Variants in MOK observed in about 807,000 individuals in gnomAD.
MOK encodes MOK protein kinase.
In MOK, 59 loss-of-function variants were observed where a neutral mutation model predicts 54.2. The observed-to-expected ratio is 1.09, with a 90% CI of 0.88 to 1.35. The LOEUF (loss-of-function observed/expected upper bound fraction) is 1.35, where lower values mean the gene tolerates loss of function less well. Among genes scored for constraint, MOK ranks in the 40% most tolerant of loss-of-function variants. MOK has a pLI of 0.00. For synonymous variants in MOK, 210 were observed against 202.7 expected, an observed-to-expected ratio of 1.04 and a Z score of -0.31; for missense variants, 517 against 526.2, an observed-to-expected ratio of 0.98 and a Z score of 0.17.
chr14:102,268,959 CA>C lies in MOK; in HGVS notation c.123-3048del, dbSNP rs544798071. Among the ~76,000 whole-genome samples the C allele has an allele frequency of 3.8e-4, 57 of 151,374 alleles. No homozygotes were observed. The South Asian group carries it at 0.012, about 32-fold the overall frequency. ...TTAAAGATCAACTATGAAATTTCAACATTTCATTTTATTGGATGAATTTTAT... is the reference window on the plus strand; with the variant it reads ...TTAAAGATCAACTATGAAATTTCAACTTTCATTTTATTGGATGAATTTTAT... On this transcript the variant is annotated intron_variant, in intron 2 of 11. Transcript: ENST00000361847.
intron 3 of MOK, 124 bp from the exon 4 acceptor site, chr14:102,263,740 G>A: frequency 1.9e-6 from 1 of 534,474 alleles, no homozygotes; most frequent in Non-Finnish European, 3.2e-6. Flanking sequence ...AAATACTACA[G>A]TGTAATTGCT....
rs1302251247 is a variant in MOK at position 102,252,009 on chromosome 14, GA to G, written c.284-15del. 2 of 1,451,482 alleles carry G rather than the reference GA, an allele frequency of 1.4e-6. No homozygotes were observed. 89.9% of individuals were successfully genotyped at this position (1,451,482 alleles called of 1,614,324 possible). Reference sequence around the variant, plus strand: ...GGTATCTTCTCCCTGTACAATCAAGGAAATAGGCAAATACGGTTACTGATGG... The same window carrying G: ...GGTATCTTCTCCCTGTACAATCAAGGAATAGGCAAATACGGTTACTGATGG... On this transcript the variant is annotated splice_polypyrimidine_tract_variant and intron_variant, in intron 4 of 11. Coordinates refer to ENST00000361847, the MANE Select transcript of MOK (RefSeq NM_014226.3).
chr14:102,283,319 T>A, intron 2 of MOK, 159 bp downstream of exon 2: 1 of 529,234 alleles, frequency 1.9e-6, no homozygotes, highest in Non-Finnish European at 3.3e-6. Flanking sequence ...AACTCCAGTA[T>A]GATAAACATA....
At chr14:102,247,661 C>T (rs533866355) in intron 7 of MOK, among the ~76,000 whole-genome samples, 1 of 152,304 alleles carries the variant, frequency 6.6e-6, no homozygotes, top group South Asian at 2.1e-4. Flanking sequence ...CAAATAGATT[C>T]TTTAGCAGCA....
At chr14:102,243,579 C>T (rs1270742950) in intron 7 of MOK, among the ~76,000 whole-genome samples, 3 of 152,162 alleles carry the variant, frequency 2.0e-5, no homozygotes, top group East Asian at 3.9e-4. Context: ...CTATTTTCTT[C>T]CTCACACCTG....
intron 2 of MOK, among the ~76,000 whole-genome samples, chr14:102,276,619 A>G (rs2068886224): frequency 6.6e-6 from 1 of 151,906 alleles, no homozygotes; most frequent in South Asian, 2.1e-4. Context: ...ACTGCCTAAG[A>G]AAAAATGAAA....
At chr14:102,294,566 G>A (rs562639695) in intron 1 of MOK, among the ~76,000 whole-genome samples, 2 of 151,976 alleles carry the variant, frequency 1.3e-5, no homozygotes, top group Non-Finnish European at 2.9e-5. Context: ...AGTGAGCCAT[G>A]ATGGTGCCAC....
chr14:102,284,386 G>A (rs1051476012), intron 1 of MOK, among the ~76,000 whole-genome samples: 1 of 151,910 alleles, frequency 6.6e-6, no homozygotes, highest in East Asian at 1.9e-4. Context: ...AGTGTCCGCT[G>A]AGCCTGCTGG....
At chr14:102,224,691 C>G (rs1258915758), downstream of MOK, 6 of 455,922 alleles carry the variant, frequency 1.3e-5, no homozygotes, top group Non-Finnish European at 2.6e-5. Flanking sequence ...GTTTAGTTTT[C>G]TTCGGAGGAG....
intron 4 of MOK, among the ~76,000 whole-genome samples, chr14:102,258,955 A>G (rs946553300): frequency 6.6e-6 from 1 of 151,698 alleles, no homozygotes; most frequent in African/African-American, 2.4e-5. Context: ...AATCCCAGCT[A>G]CTCGGGAGGC....
At chr14:102,216,543 T>G in the MOK span, among the ~76,000 whole-genome samples, 1 of 152,238 alleles carries the variant, frequency 6.6e-6, no homozygotes, top group African/African-American at 2.4e-5. Flanking sequence ...CCCTAAAGAC[T>G]ATTAAGTTGA....
chr14:102,222,054 A>T (rs2063952275), downstream of MOK, among the ~76,000 whole-genome samples: 2 of 152,166 alleles, frequency 1.3e-5, no homozygotes, highest in South Asian at 4.1e-4. This position sits in a 1 kb window ranked among gnomAD's most constrained non-coding sequence, Gnocchi z 4.4. Context: ...ACCCAAGGTC[A>T]CACCAGTATT....
the MOK span, among the ~76,000 whole-genome samples, chr14:102,216,811 TC>T: frequency 6.6e-6 from 1 of 152,224 alleles, no homozygotes; most frequent in South Asian, 2.1e-4. Flanking sequence ...GCGCCTGTAG[TC>T]CCAGCTACTC....
intron 4 of MOK, among the ~76,000 whole-genome samples, chr14:102,254,981 G>A (rs549586955): frequency 1.3e-5 from 2 of 152,134 alleles, no homozygotes; most frequent in Admixed American, 6.6e-5. Context: ...CTTGGGAAAC[G>A]TGGAATCTTT....
the MOK span, among the ~76,000 whole-genome samples, chr14:102,216,755 C>A: frequency 6.6e-6 from 1 of 152,096 alleles, no homozygotes; most frequent in Non-Finnish European, 1.5e-5. Flanking sequence ...CATGGCAAAC[C>A]CCCATCTGTA....
chr14:102,250,927 T>C lies in MOK; in HGVS notation c.475A>G (p.Thr159Ala), dbSNP rs2066479942. Residue 159 changes from threonine to alanine, a missense_variant, in exon 7 of 12, where the codon ACG becomes GCG. Thr to Ala is a moderately conservative substitution (Grantham distance 58, BLOSUM62 0). Transcript: ENST00000361847. ...CRSVYSKQPY[T>A]EYISTRWYRA... Reference sequence around the variant, plus strand: ...TACCAGCGGGTGGAGATGTATTCCGTGTACGGCTGCTTGGAATAGACACTC... The same window carrying C: ...TACCAGCGGGTGGAGATGTATTCCGCGTACGGCTGCTTGGAATAGACACTC... 1.9e-6 allele frequency: 3 copies of C among 1,614,056 alleles called. No homozygotes were observed. The highest frequency in any genetic ancestry group is 2.2e-5 in the South Asian group (2 of 91,094).
At chr14:102,277,724 C>G (rs915420762) in intron 2 of MOK, among the ~76,000 whole-genome samples, 2 of 151,996 alleles carry the variant, frequency 1.3e-5, no homozygotes, top group African/African-American at 4.8e-5. Flanking sequence ...CTAGTGATTG[C>G]CTGGGATGGC....
rs993852284 is a variant in MOK at position 102,245,608 on chromosome 14, A to G, written c.590+5204T>C. 2.6e-5 allele frequency among the ~76,000 whole-genome samples: 4 copies of G among 151,504 alleles called. No individual in the cohort carries two copies. The highest frequency in any genetic ancestry group is 1.5e-5 in the Non-Finnish European group (1 of 67,840). On this transcript the variant is annotated intron_variant, in intron 7 of 11. Coordinates refer to ENST00000361847, the MANE Select transcript of MOK (RefSeq NM_014226.3). The surrounding 1 kb of genome is among the most constrained non-coding windows in gnomAD (Gnocchi z 4.3). ...CCGGAGAACAACCCCCTTTGACTGTAATTTTCCACTACCTACCCAAATCCT... is the reference window on the plus strand; with the variant it reads ...CCGGAGAACAACCCCCTTTGACTGTGATTTTCCACTACCTACCCAAATCCT...
At chr14:102,226,162 T>C, downstream of MOK, 1 of 597,260 alleles carries the variant, frequency 1.7e-6, no homozygotes, top group Non-Finnish European at 3.0e-6. This position sits in a 1 kb window ranked among gnomAD's most constrained non-coding sequence, Gnocchi z 4.8. Flanking sequence ...TGGAGATGGC[T>C]GCTTACTGCT....
Sources: allele counts gnomAD v4.1 joint callset (sites outside exome capture counted in the v4.1 genomes callset), GRCh38; gene constraint gnomAD v4.1.1; non-coding constraint Gnocchi (gnomAD v3.1); transcripts MANE v1.5; gene names NCBI Gene and HGNC (gene_info 2026-07-23, HGNC 2026-07-21).